The following DDX10 variants were observed in gnomAD, a reference collection of about 807,000 sequenced individuals.
DDX10 encodes the protein DEAD-box helicase 10.
A neutral mutation model predicts 104.3 loss-of-function variants in DDX10; 74 were observed. The observed-to-expected ratio is 0.71, with a 90% CI of 0.59 to 0.86. The LOEUF is 0.86. Among genes scored for constraint, DDX10 ranks in the 40% least tolerant of loss-of-function variants. The pLI is 0.00. For missense variants in DDX10, 952 were observed against 1,040.0 expected, an observed-to-expected ratio of 0.92 and a Z score of 1.16; for synonymous variants, 351 against 353.4, an observed-to-expected ratio of 0.99 and a Z score of 0.08.
At chr11:108,834,259 C>CCT (rs78604244) in intron 13 of DDX10, among the ~76,000 whole-genome samples, 79,790 of 151,490 alleles carry the variant, frequency 0.53, 22,072 homozygotes, top group Non-Finnish European at 0.62. Flanking sequence ...GAGGCACCTA[C>CCT]CTACCATATT....
At chr11:108,714,528 CTTTT>C (rs11355789) in intron 10 of DDX10, among the ~76,000 whole-genome samples, 1 of 142,182 alleles carries the variant, frequency 7.0e-6, no homozygotes. Flanking sequence ...AAGTCTGACT[CTTTT>C]TTTTTTTTTT....
At chr11:108,851,797 C>G (rs1862796351) in intron 15 of DDX10, among the ~76,000 whole-genome samples, 1 of 152,076 alleles carries the variant, frequency 6.6e-6, no homozygotes. Context: ...CTTTCCATTT[C>G]CTTCCATTGA....
At chr11:108,793,613 A>C (rs929054258) in intron 13 of DDX10, among the ~76,000 whole-genome samples, 2 of 152,226 alleles carry the variant, frequency 1.3e-5, no homozygotes, top group Non-Finnish European at 2.9e-5. Flanking sequence ...TTGCTTTTAT[A>C]TGGAAATAAA....
intron 16 of DDX10, among the ~76,000 whole-genome samples, chr11:108,893,798 G>A (rs890082607): frequency 6.6e-6 from 1 of 151,936 alleles, no homozygotes; most frequent in Non-Finnish European, 1.5e-5. Flanking sequence ...AGAATATTGG[G>A]GACTGATATG....
At chr11:108,778,930 G>GA (rs1397591740) in intron 13 of DDX10, among the ~76,000 whole-genome samples, 16 of 152,170 alleles carry the variant, frequency 1.1e-4, no homozygotes, top group Non-Finnish European at 5.9e-5. Context: ...ACAGACACAT[G>GA]AAAAAATGCT....
At chr11:108,713,350 A>G (rs1375886596) in intron 10 of DDX10, among the ~76,000 whole-genome samples, 2 of 152,152 alleles carry the variant, frequency 1.3e-5, no homozygotes, top group African/African-American at 4.8e-5. Flanking sequence ...GTTGTTCCAT[A>G]GTCCTTGAAG....
intron 16 of DDX10, among the ~76,000 whole-genome samples, chr11:108,880,173 G>C (rs2134631179): frequency 1.3e-5 from 2 of 152,296 alleles, no homozygotes; most frequent in South Asian, 4.2e-4. Context: ...GGTTTCTGAG[G>C]AGGACTCTGT....
chr11:108,755,310 C>T (rs1343057794), intron 13 of DDX10, among the ~76,000 whole-genome samples: 1 of 152,040 alleles, frequency 6.6e-6, no homozygotes, highest in Admixed American at 6.6e-5. Flanking sequence ...TTTATAGCTG[C>T]ATGATTTTTT....
At chr11:108,676,187 T>G (rs933944613) in intron 3 of DDX10, among the ~76,000 whole-genome samples, 1 of 152,254 alleles carries the variant, frequency 6.6e-6, no homozygotes, top group Non-Finnish European at 1.5e-5. Context: ...GGGACATTGC[T>G]ATCGGTCTTT....
chr11:108,801,987 G>A (rs1430551407), intron 13 of DDX10, among the ~76,000 whole-genome samples: 1 of 148,558 alleles, frequency 6.7e-6, no homozygotes, highest in Admixed American at 6.9e-5. Context: ...GGAGGGAGAA[G>A]GAAGGGGAGA....
intron 13 of DDX10, among the ~76,000 whole-genome samples, chr11:108,794,949 T>G (rs1042997870): frequency 6.6e-6 from 1 of 151,948 alleles, no homozygotes; most frequent in African/African-American, 2.4e-5. Flanking sequence ...TGCCTTAGCC[T>G]CCCCAATAGC....
chr11:108,875,117 A>T (rs943382694), intron 16 of DDX10, among the ~76,000 whole-genome samples: 3 of 152,120 alleles, frequency 2.0e-5, no homozygotes, highest in Non-Finnish European at 4.4e-5. Context: ...GAAAACCCTA[A>T]CCCAAGAAAC....
chr11:108,670,325 G>T (rs1024492937), intron 1 of DDX10, among the ~76,000 whole-genome samples: 4 of 152,072 alleles, frequency 2.6e-5, no homozygotes, highest in Non-Finnish European at 5.9e-5. Context: ...GAAGGAGAGG[G>T]AACAGGAGTA....
At chr11:108,788,761 A>G (rs1189504666) in intron 13 of DDX10, among the ~76,000 whole-genome samples, 2 of 152,224 alleles carry the variant, frequency 1.3e-5, no homozygotes, top group Non-Finnish European at 2.9e-5. Context: ...GTGCTTCAGA[A>G]TGTTGGTCAG....
At chr11:108,877,122 C>T (rs1163993603) in intron 16 of DDX10, among the ~76,000 whole-genome samples, 1 of 152,118 alleles carries the variant, frequency 6.6e-6, no homozygotes, top group Non-Finnish European at 1.5e-5. Context: ...TATATAGCCC[C>T]CATTGTGAAA....
At chr11:108,757,403 CTATT>C (rs1225453763) in intron 13 of DDX10, among the ~76,000 whole-genome samples, 4 of 151,876 alleles carry the variant, frequency 2.6e-5, no homozygotes, top group Admixed American at 1.3e-4. Context: ...GTTTTGGAGA[CTATT>C]TATGGGATTT....
chr11:108,905,746 T>G (rs1863587813), intron 16 of DDX10, among the ~76,000 whole-genome samples: 1 of 152,158 alleles, frequency 6.6e-6, no homozygotes, highest in Non-Finnish European at 1.5e-5. Flanking sequence ...GTTGCATTAC[T>G]ATAAAAAAAT....
intron 13 of DDX10, among the ~76,000 whole-genome samples, chr11:108,813,629 G>A (rs1862216907): frequency 6.6e-6 from 1 of 152,142 alleles, no homozygotes; most frequent in African/African-American, 2.4e-5. Context: ...TCATGTTAAA[G>A]TTGAACAGGG....
At chr11:108,809,651 G>A (rs1248753246) in intron 13 of DDX10, among the ~76,000 whole-genome samples, 2 of 152,218 alleles carry the variant, frequency 1.3e-5, no homozygotes, top group Non-Finnish European at 2.9e-5. Flanking sequence ...CAGGCCGTAT[G>A]TAAGGGCTGG....
Sources: allele counts gnomAD v4.1 joint callset (sites outside exome capture counted in the v4.1 genomes callset), GRCh38; gene constraint gnomAD v4.1.1; transcripts MANE v1.5; gene names NCBI Gene and HGNC (gene_info 2026-07-23, HGNC 2026-07-21).